The following HS6ST2 variants were observed in gnomAD, a reference collection of about 807,000 sequenced individuals.
The protein encoded by HS6ST2 is heparan-sulfate 6-O-sulfotransferase 2.
In HS6ST2, 17 loss-of-function variants were observed where a neutral mutation model predicts 33.0. The ratio of observed to expected loss-of-function variants is 0.52; its 90% CI spans 0.35 to 0.77. The LOEUF (loss-of-function observed/expected upper bound fraction) is 0.77. Among genes scored for constraint, HS6ST2 ranks in the 30% least tolerant of loss-of-function variants. The probability of loss-of-function intolerance (pLI) is 0.01; values close to 1 mark genes in which losing one functional copy is unlikely to be tolerated. For missense variants in HS6ST2, 519 were observed against 551.7 expected (o/e 0.94, Z 0.59); for synonymous variants, 248 against 237.1 (o/e 1.05, Z -0.42).
chrX:132,626,724 G>A lies in HS6ST2; in HGVS notation c.*1499C>T, dbSNP rs1225313934. 1 of 112,105 alleles carries A rather than the reference G, an allele frequency of 8.9e-6. No individual in the cohort carries two copies. The highest frequency in any genetic ancestry group is 1.9e-5 in the Non-Finnish European group (1 of 53,228). The allele number at this position is 112,105 out of a possible 1,213,427, so 9.2% of individuals were successfully genotyped here. ...ATTTACAGCCAGGAGGTTAGTGTAA[G>A]TCCTTGCATAAGTATAGCAAAATCC... On this transcript the variant is annotated 3_prime_UTR_variant, in exon 5 of 5. Coordinates refer to ENST00000370833, the MANE Select transcript of HS6ST2 (RefSeq NM_001394073.1).
At chrX:132,636,539 C>A (rs1047332440) in intron 4 of HS6ST2, among the ~76,000 whole-genome samples, 4 of 112,001 alleles carry the variant, frequency 3.6e-5, no homozygotes, top group African/African-American at 1.3e-4. Flanking sequence ...GTCCTACACT[C>A]GTCAGAACAG....
At chrX:132,937,977 C>T (rs2066843358) in intron 2 of HS6ST2, among the ~76,000 whole-genome samples, 3 of 102,158 alleles carry the variant, frequency 2.9e-5, no homozygotes, top group African/African-American at 1.3e-4. Flanking sequence ...GCCTGGACAA[C>T]ATAGTGAGAC....
intron 2 of HS6ST2, among the ~76,000 whole-genome samples, chrX:132,826,812 A>T (rs1036612363): frequency 9.0e-6 from 1 of 110,607 alleles, no homozygotes; most frequent in African/African-American, 3.3e-5. Context: ...CTAATCTAAC[A>T]CTGTAGGTGT....
At chrX:132,881,212 A>C (rs1234254615) in intron 2 of HS6ST2, among the ~76,000 whole-genome samples, 2 of 110,857 alleles carry the variant, frequency 1.8e-5, no homozygotes, top group Non-Finnish European at 3.8e-5. Flanking sequence ...ACTGTCTTCC[A>C]CAATGGTTGA....
chrX:132,696,169 C>A (rs2064103614), intron 3 of HS6ST2, among the ~76,000 whole-genome samples: 2 of 111,946 alleles, frequency 1.8e-5, no homozygotes, highest in South Asian at 7.6e-4. Context: ...CTGGCTGCTG[C>A]TCTCTGTGAT....
rs150665827 is a variant in HS6ST2 at position 132,824,127 on chromosome X, A to C, written c.948-115633T>G. 6.3e-3 allele frequency among the ~76,000 whole-genome samples: 699 copies of C among 111,035 alleles called. 4 individuals are homozygous for C. The highest frequency in any genetic ancestry group is 0.02 in the African/African-American group (611 of 30,592). The stretch of plus-strand genomic sequence containing the variant: ...CAATCTATTGATGCAATACAGAAAC[A>C]ATCTAGCCCAGCTACACCTAAATAC... On this transcript the variant is annotated intron_variant, in intron 2 of 4. Transcript: ENST00000370833.
intron 4 of HS6ST2, among the ~76,000 whole-genome samples, chrX:132,667,391 T>C (rs1260164350): frequency 5.3e-5 from 6 of 112,275 alleles, no homozygotes; most frequent in African/African-American, 1.3e-4. Flanking sequence ...CCCTTCACCA[T>C]GGCAGAAGCT....
At chrX:132,921,827 G>A (rs779315127) in intron 2 of HS6ST2, among the ~76,000 whole-genome samples, 19 of 112,152 alleles carry the variant, frequency 1.7e-4, no homozygotes, top group African/African-American at 6.1e-4. Context: ...GCCTGGGCAG[G>A]TCATGTTGTT....
At chrX:132,707,814 A>G (rs1321362860) in intron 3 of HS6ST2, among the ~76,000 whole-genome samples, 1 of 111,355 alleles carries the variant, frequency 9.0e-6, no homozygotes, top group Non-Finnish European at 1.9e-5. Flanking sequence ...TCTTAGCAAC[A>G]GTTGTTGCCT....
chrX:132,750,273 A>G (rs1419112300), intron 2 of HS6ST2, among the ~76,000 whole-genome samples: 2 of 108,344 alleles, frequency 1.8e-5, no homozygotes, highest in Non-Finnish European at 3.8e-5. Flanking sequence ...TAGGTGCTCA[A>G]TAAATGTTGA....
At chrX:132,864,365 G>A (rs1215047699) in intron 2 of HS6ST2, among the ~76,000 whole-genome samples, 3 of 108,732 alleles carry the variant, frequency 2.8e-5, no homozygotes, top group African/African-American at 1.0e-4. Context: ...AAAAAGGTTA[G>A]AGGAATTGCT....
At chrX:132,633,413 G>T (rs1165022076) in intron 4 of HS6ST2, among the ~76,000 whole-genome samples, 2 of 111,612 alleles carry the variant, frequency 1.8e-5, no homozygotes, top group Admixed American at 1.9e-4. Context: ...AATTCGTGAA[G>T]TTAGTTAAGA....
At chrX:132,954,580 A>T (rs189089255) in intron 2 of HS6ST2, among the ~76,000 whole-genome samples, 2 of 112,118 alleles carry the variant, frequency 1.8e-5, no homozygotes, top group African/African-American at 3.2e-5. Context: ...GAAATTCTGG[A>T]ACCCCTAGGC....
chrX:132,839,323 CAT>C (rs1185217944), intron 2 of HS6ST2, among the ~76,000 whole-genome samples: 1 of 92,059 alleles, frequency 1.1e-5, no homozygotes, highest in South Asian at 5.7e-4. Flanking sequence ...TATACACACA[CAT>C]GTATGTATAT....
chrX:132,787,708 G>A (rs956426645), intron 2 of HS6ST2, among the ~76,000 whole-genome samples: 2 of 107,857 alleles, frequency 1.9e-5, no homozygotes, highest in African/African-American at 6.7e-5. Flanking sequence ...TGGTGAGCAC[G>A]GCGAAACCCC....
rs372991941 is a variant in HS6ST2, at chrX:132,857,082, C to T, written c.947+99726G>A. On this transcript the variant is annotated intron_variant, in intron 2 of 4. Transcript: ENST00000370833. ...CTCATTGTGAGCTTGGCACTCAAGA[C>T]GGAAATACAACAGCCATTATCTTTG... Among the ~76,000 whole-genome samples, 23 of 112,099 alleles carry T rather than the reference C, an allele frequency of 2.1e-4. No individual in the cohort carries two copies. In the South Asian group the frequency reaches 8.6e-3, roughly 42 times the overall value.
At chrX:132,637,010 C>T (rs753439998) in intron 4 of HS6ST2, among the ~76,000 whole-genome samples, 14 of 112,379 alleles carry the variant, frequency 1.2e-4, no homozygotes, top group Admixed American at 5.7e-4. Flanking sequence ...TAGGTGTGTT[C>T]AGGCTTCAAT....
chrX:132,924,811 G>A (rs981516354), intron 2 of HS6ST2, among the ~76,000 whole-genome samples: 16 of 112,033 alleles, frequency 1.4e-4, no homozygotes, highest in African/African-American at 4.9e-4. Flanking sequence ...GCAACATGGC[G>A]AAATGCCGCC....
At chrX:132,772,885 T>G (rs1261187954) in intron 2 of HS6ST2, among the ~76,000 whole-genome samples, 1 of 87,569 alleles carries the variant, frequency 1.1e-5, no homozygotes, top group Non-Finnish European at 2.1e-5. Flanking sequence ...TAACATATAT[T>G]ATATATTATG....
Sources: allele counts gnomAD v4.1 joint callset (sites outside exome capture counted in the v4.1 genomes callset), GRCh38; gene constraint gnomAD v4.1.1; transcripts MANE v1.5; gene names NCBI Gene and HGNC (gene_info 2026-07-23, HGNC 2026-07-21).